Variants in CSF1R observed in about 807,000 individuals in gnomAD.
CSF1R encodes colony stimulating factor 1 receptor, also known as macrophage colony-stimulating factor 1 receptor.
Under a neutral mutation model 110.0 loss-of-function variants are expected in CSF1R, and 40 were observed. That is an observed-to-expected ratio of 0.36 (90% CI 0.28 to 0.47). The LOEUF (loss-of-function observed/expected upper bound fraction) is 0.47. Ranked by LOEUF, CSF1R falls within the 20% of genes least tolerant of loss-of-function variation. The probability of loss-of-function intolerance (pLI) is 0.99; values close to 1 mark genes in which losing one functional copy is unlikely to be tolerated. For missense variants in CSF1R, 1,052 were observed against 1,253.0 expected (o/e 0.84, Z 2.42); for synonymous variants, 523 against 503.4 (o/e 1.04, Z -0.52).
chr5:150,061,108 AAAAG>A, intron 12 of CSF1R, 136 bp from the exon 13 acceptor site: 1 of 610,024 alleles, frequency 1.6e-6, no homozygotes, highest in Non-Finnish European at 2.9e-6. Flanking sequence ...ACCAGAAGCC[AAAAG>A]AAGGAGAAGG....
intron 4 of CSF1R, 125 bp downstream of exon 4, chr5:150,077,987 G>A: frequency 8.0e-7 from 1 of 1,243,716 alleles, no homozygotes; most frequent in South Asian, 1.4e-5. Context: ...ACCCCTCTCT[G>A]GAGTCTGAGC....
At chr5:150,073,566 C>T (rs1322761587) in intron 5 of CSF1R, 73 bp from the exon 6 acceptor site, 3 of 1,501,780 alleles carry the variant, frequency 2.0e-6, no homozygotes, top group Non-Finnish European at 1.8e-6. Flanking sequence ...TTTTGTCATC[C>T]ACCCATTGAT....
chr5:150,084,415 G>A lies in CSF1R; in HGVS notation c.49+1964C>T, dbSNP rs1428738815. On this transcript the variant is annotated intron_variant, in intron 1 of 20. Transcript: ENST00000675795. ...AGAAGGAAGGAAGGAAGGAAGGAAG[G>A]AAGGAAGGAAGGAAGGAAGGAAGGA... 3.2e-5 allele frequency among the ~76,000 whole-genome samples: 2 copies of A among 62,728 alleles called. 1 individual carries two copies. The highest frequency in any genetic ancestry group is 6.2e-5 in the Non-Finnish European group (2 of 32,160). 41.2% of individuals were successfully genotyped at this position (62,728 alleles called of 152,430 possible).
At chr5:150,069,071 T>C (rs1757913085) in intron 9 of CSF1R, among the ~76,000 whole-genome samples, 1 of 152,156 alleles carries the variant, frequency 6.6e-6, no homozygotes. Flanking sequence ...TTCAACAAAA[T>C]GTTGGCTTTA....
At chr5:150,060,775 A>G (rs1434366309) in intron 13 of CSF1R, 87 bp downstream of exon 13, 1 of 789,490 alleles carries the variant, frequency 1.3e-6, no homozygotes, top group Non-Finnish European at 2.1e-6. Context: ...GATCCTGAGA[A>G]GGAGAAGACG....
chr5:150,094,465 A>C lies in CSF1R; in HGVS notation c.-180-7858T>G, dbSNP rs927206746. The C allele has an allele frequency of 3.6e-5, 57 of 1,598,568 alleles. No homozygotes were observed. The African/African-American group carries it at 6.5e-4, about 18-fold the overall frequency. ...AGGAAGCTTATCTATGAAAAAGCAA[A>C]GCACTATCACAAGGAATATAGGCAG... On this transcript the variant is annotated intron_variant, in intron 1 of 21. Coordinates refer to the CSF1R transcript ENST00000286301.
chr5:150,098,890 C>CT (rs34306632), intron 1 of CSF1R, among the ~76,000 whole-genome samples: 33,955 of 128,154 alleles, frequency 0.26, 4,954 homozygotes, highest in East Asian at 0.43. Context: ...ATACAAACAA[C>CT]TTTTTTTTTT....
intron 1 of CSF1R, among the ~76,000 whole-genome samples, chr5:150,098,200 AT>A (rs201266743): frequency 0.025 from 3,785 of 152,262 alleles, 56 homozygotes; most frequent in South Asian, 0.055. Context: ...AAAGAAAAAA[AT>A]AAAAATCAAA....
At chr5:150,105,811 G>A (rs1418364292) in intron 1 of CSF1R, among the ~76,000 whole-genome samples, 2 of 152,220 alleles carry the variant, frequency 1.3e-5, no homozygotes, top group African/African-American at 2.4e-5. Context: ...ACATGTGTGA[G>A]CCACCACACT....
Position 150,057,657 on chromosome 5 carries a change from C to T in CSF1R, c.2133-65G>A, listed in dbSNP as rs920120451. ...CATCACTGCACTGCTCAGCTCAGGC[C>T]TTGACCACCCACCACCCCATGGTCA... On this transcript the variant is annotated intron_variant, in intron 14 of 20. Transcript: ENST00000675795. 9 of 1,223,502 alleles carry T rather than the reference C, an allele frequency of 7.4e-6. No homozygotes were observed. The Admixed American group carries it at 1.1e-4, about 14-fold the overall frequency. 75.8% of individuals were successfully genotyped at this position (1,223,502 alleles called of 1,614,324 possible).
chr5:150,100,314 C>T (rs5020866), intron 1 of CSF1R, among the ~76,000 whole-genome samples: 68,617 of 101,908 alleles, frequency 0.67, 19,587 homozygotes, highest in Non-Finnish European at 0.69. Context: ...TTTTTTTTTT[C>T]TGAGACGGAG....
At chr5:150,082,445 G>A (rs1334416925) in intron 1 of CSF1R, among the ~76,000 whole-genome samples, 5 of 152,226 alleles carry the variant, frequency 3.3e-5, no homozygotes, top group East Asian at 3.8e-4. Context: ...ATCAGCAAAC[G>A]AGATTGAGTG....
chr5:150,078,305 T>C, intron 3 of CSF1R, 57 bp from the exon 4 acceptor site: 2 of 1,597,978 alleles, frequency 1.3e-6, no homozygotes, highest in Non-Finnish European at 1.7e-6. Flanking sequence ...GATAGAGATA[T>C]TGCTCTCCTC....
In CSF1R at chr5:150,060,124, G is replaced by A. The variant is rs537415620; in HGVS notation, c.1970-262C>T. Among the ~76,000 whole-genome samples the A allele has an allele frequency of 1.6e-4, 24 of 152,086 alleles. 3 individuals are homozygous for A. The highest frequency in any genetic ancestry group is 9.2e-4 in the Admixed American group (14 of 15,274). The stretch of plus-strand genomic sequence containing the variant: ...GGGTGGATCACGAGGTCAGGAGATC[G>A]AGACCATCCTGGCTAACATGGTGAA... On this transcript the variant is annotated intron_variant, in intron 13 of 20. Coordinates refer to ENST00000675795, the MANE Select transcript of CSF1R (RefSeq NM_001288705.3).
At chr5:150,062,910 T>G (rs1394135154) in intron 10 of CSF1R, among the ~76,000 whole-genome samples, 1 of 152,164 alleles carries the variant, frequency 6.6e-6, no homozygotes, top group Non-Finnish European at 1.5e-5. Context: ...GGAATGATCC[T>G]GGCAAGTTTG....
At chr5:150,084,624 T>C (rs1318387662) in intron 1 of CSF1R, among the ~76,000 whole-genome samples, 1 of 151,696 alleles carries the variant, frequency 6.6e-6, no homozygotes, top group Non-Finnish European at 1.5e-5. Flanking sequence ...GGCTAATTTT[T>C]GTATTTTTTA....
intron 1 of CSF1R, among the ~76,000 whole-genome samples, chr5:150,112,828 A>G (rs1248142469): frequency 6.6e-6 from 1 of 152,078 alleles, no homozygotes; most frequent in African/African-American, 2.4e-5. Context: ...TCCCCACTTG[A>G]AGCCACAGCC....
At chr5:150,078,061 G>A (rs1242214339) in intron 4 of CSF1R, 51 bp downstream of exon 4, 1 of 1,607,914 alleles carries the variant, frequency 6.2e-7, no homozygotes, top group Non-Finnish European at 8.5e-7. Context: ...TGGGAAACCT[G>A]GTGTGCTGGG....
chr5:150,060,922 T>A lies in CSF1R; in HGVS notation c.1909A>T (p.Met637Leu). The change falls in exon 13 of 21, where the codon ATG becomes TTG. Residue 637 changes from methionine (M) to leucine (L), a missense_variant. This residue lies in a region of CSF1R where 76 missense variants were observed against 133.6 expected (regional missense o/e 0.57). Transcript: ENST00000675795. ...TTCTCGTGCTGGCCCAGGTGGCTCATGATCTTCAGCTCGGACATGAGGGCC... is the reference window on the plus strand; with the variant it reads ...TTCTCGTGCTGGCCCAGGTGGCTCAAGATCTTCAGCTCGGACATGAGGGCC... ...KEALMSELKI[M>L]SHLGQHENIV... The A allele has an allele frequency of 6.2e-7, 1 of 1,611,272 alleles. No homozygotes were observed. Among genetic ancestry groups the A allele is most frequent in the Non-Finnish European group, 8.5e-7 (1 of 1,178,784 alleles).
Sources: gnomAD v4.1 joint callset for allele counts (sites outside exome capture counted in the v4.1 genomes callset) on GRCh38, gnomAD v4.1.1 for gene constraint, gnomAD v4.1.1 regional missense constraint, MANE v1.5 for transcripts, NCBI Gene and HGNC (gene_info 2026-07-23, HGNC 2026-07-21) for gene names.